NSMCE2: variants seen among roughly 807,000 people sequenced by gnomAD.
The protein encoded by NSMCE2 is E3 SUMO-protein ligase NSE2.
NSMCE2 carries 24 observed loss-of-function variants against 23.8 expected under a neutral mutation model. The ratio of observed to expected loss-of-function variants is 1.01; its 90% CI spans 0.73 to 1.42. The LOEUF (loss-of-function observed/expected upper bound fraction) is 1.42. NSMCE2 is among the 40% of genes most tolerant of loss of function. The probability of loss-of-function intolerance (pLI) is 0.00; values close to 1 mark genes in which losing one functional copy is unlikely to be tolerated. For synonymous variants in NSMCE2, 92 were observed against 94.1 expected (o/e 0.98, Z 0.13); for missense variants, 284 against 296.5 (o/e 0.96, Z 0.31).
chr8:125,190,871 T>TA (rs1449098607), intron 5 of NSMCE2, among the ~76,000 whole-genome samples: 1 of 152,138 alleles, frequency 6.6e-6, no homozygotes, highest in Non-Finnish European at 1.5e-5. Context: ...TTATGTACAT[T>TA]ATTATGATTA....
chr8:125,157,250 A>G (rs1821371861), intron 4 of NSMCE2, among the ~76,000 whole-genome samples: 1 of 152,234 alleles, frequency 6.6e-6, no homozygotes, highest in South Asian at 2.1e-4. Flanking sequence ...GAGTGAAATT[A>G]GTGAAAAGCT....
At chr8:125,239,763 T>C (rs1825696831) in intron 5 of NSMCE2, among the ~76,000 whole-genome samples, 1 of 152,132 alleles carries the variant, frequency 6.6e-6, no homozygotes, top group Non-Finnish European at 1.5e-5. Context: ...ATACCCAGAA[T>C]TTGCAAAACT....
chr8:125,348,334 T>G lies in NSMCE2; in HGVS notation c.419-8885T>G, dbSNP rs539726109. 3.9e-5 allele frequency: 6 copies of G among 152,336 alleles called. No individual in the cohort carries two copies. The East Asian group carries it at 7.7e-4, about 20-fold the overall frequency. The allele number at this position is 152,336 out of a possible 1,614,324, so 9.4% of individuals were successfully genotyped here. A position where few individuals can be genotyped will look rare whatever the true frequency, so the allele number is the denominator to read the frequency against. On this transcript the variant is annotated intron_variant, in intron 5 of 7. Transcript: ENST00000287437. ...TCAACCTGTGTTCTAGTATTTTTGT[T>G]GAAATTTATGTTTGTTGAACTTTGC...
At chr8:125,308,022 T>C (rs1056770947) in intron 5 of NSMCE2, among the ~76,000 whole-genome samples, 1 of 152,174 alleles carries the variant, frequency 6.6e-6, no homozygotes, top group Admixed American at 6.5e-5. Flanking sequence ...GCTTCCCCTG[T>C]GGAAACAGTC....
chr8:125,172,020 A>G (rs1035751036), intron 4 of NSMCE2, among the ~76,000 whole-genome samples: 8 of 152,196 alleles, frequency 5.3e-5, no homozygotes, highest in Admixed American at 2.0e-4. Context: ...AAAACTCTAA[A>G]TTCTTTACCT....
At chr8:125,212,766 G>A (rs751380031) in intron 5 of NSMCE2, among the ~76,000 whole-genome samples, 3 of 152,128 alleles carry the variant, frequency 2.0e-5, no homozygotes, top group Non-Finnish European at 4.4e-5. Flanking sequence ...TGCACAGTTT[G>A]TTATGTACTA....
At chr8:125,173,079 A>G (rs1241497691) in intron 4 of NSMCE2, among the ~76,000 whole-genome samples, 7 of 152,188 alleles carry the variant, frequency 4.6e-5, no homozygotes, top group Non-Finnish European at 8.8e-5. Context: ...CTGTTGCAAC[A>G]ATCTTCTTTA....
At chr8:125,096,743 T>G (rs1817956623) in intron 1 of NSMCE2, among the ~76,000 whole-genome samples, 1 of 149,162 alleles carries the variant, frequency 6.7e-6, no homozygotes, top group African/African-American at 2.5e-5. Flanking sequence ...CCCGAGTAGC[T>G]GGGACTGCAG....
At chr8:125,296,215 A>G (rs1828319082) in intron 5 of NSMCE2, among the ~76,000 whole-genome samples, 1 of 152,108 alleles carries the variant, frequency 6.6e-6, no homozygotes. Flanking sequence ...TAGTGTTGTC[A>G]TGTGCAGTTT....
chr8:125,200,275 T>C (rs1303026945), intron 5 of NSMCE2, among the ~76,000 whole-genome samples: 2 of 152,248 alleles, frequency 1.3e-5, no homozygotes, highest in Admixed American at 6.5e-5. Context: ...GCCTCGATGG[T>C]CTTTACAGTT....
intron 5 of NSMCE2, among the ~76,000 whole-genome samples, chr8:125,210,646 C>A (rs1364847061): frequency 6.6e-6 from 1 of 152,068 alleles, no homozygotes; most frequent in Non-Finnish European, 1.5e-5. Context: ...TTTTTTTTCT[C>A]ACCGATCTGG....
At position 125,135,249 on chromosome 8, in the gene NSMCE2, C is replaced by G. The variant is rs1414354948; in HGVS notation, c.158-15922C>G. 3.3e-5 allele frequency among the ~76,000 whole-genome samples: 5 copies of G among 152,236 alleles called. No individual in the cohort carries two copies. The East Asian group carries it at 9.7e-4, about 29-fold the overall frequency. ...AGATTTTTTGGGGGACAAGCTCTCT[C>G]TATATTGCCCAGGTTGGTCTCAAAT... On this transcript the variant is annotated intron_variant, in intron 3 of 7. Coordinates refer to ENST00000287437, the MANE Select transcript of NSMCE2 (RefSeq NM_173685.4).
chr8:125,160,433 G>A (rs1274451768), intron 4 of NSMCE2, among the ~76,000 whole-genome samples: 1 of 152,200 alleles, frequency 6.6e-6, no homozygotes, highest in African/African-American at 2.4e-5. Context: ...TAGGCTGAAG[G>A]AAGGGCCTCT....
Position 125,286,638 on chromosome 8 carries a change from A to G in NSMCE2, c.419-70581A>G, listed in dbSNP as rs534204565. On this transcript the variant is annotated intron_variant, in intron 5 of 7. Transcript: ENST00000287437. ...CAAATAACATCTTTTATGTGCCATC[A>G]TACACATACATATATTTAAATTAAG... Among the ~76,000 whole-genome samples, 7 of 152,250 alleles carry G rather than the reference A, an allele frequency of 4.6e-5. No individual in the cohort carries two copies. In the South Asian group the frequency reaches 1.2e-3, roughly 27 times the overall value.
chr8:125,245,884 G>A (rs1029700900), intron 5 of NSMCE2, among the ~76,000 whole-genome samples: 8 of 151,928 alleles, frequency 5.3e-5, no homozygotes, highest in African/African-American at 1.9e-4. Context: ...CAACTAACTA[G>A]GTGTGGTGAG....
chr8:125,257,762 C>T (rs1475530532), intron 5 of NSMCE2, among the ~76,000 whole-genome samples: 1 of 152,078 alleles, frequency 6.6e-6, no homozygotes, highest in East Asian at 1.9e-4. Context: ...TCTCGATCTC[C>T]TGACTTCATT....
chr8:125,320,251 G>GGGAGGGAAGTAA (rs1829384986), intron 5 of NSMCE2, among the ~76,000 whole-genome samples: 1 of 58,298 alleles, frequency 1.7e-5, no homozygotes, highest in South Asian at 8.3e-4. Flanking sequence ...GAGGGAGGGA[G>GGGAGGGAAGTAA]GGAAGGAAGG....
intron 5 of NSMCE2, among the ~76,000 whole-genome samples, chr8:125,333,664 G>A (rs544827836): frequency 3.1e-4 from 47 of 151,240 alleles, no homozygotes; most frequent in East Asian, 3.9e-4. Context: ...ACAGGCGCCC[G>A]CCACTACGCC....
intron 7 of NSMCE2, 27 bp from the exon 8 acceptor site, chr8:125,366,741 T>C: frequency 7.5e-7 from 1 of 1,330,440 alleles, no homozygotes; most frequent in Non-Finnish European, 1.1e-6. Flanking sequence ...TAAAGGGGAC[T>C]GACTTGATGT....
Sources: allele counts gnomAD v4.1 joint callset (sites outside exome capture counted in the v4.1 genomes callset), GRCh38; gene constraint gnomAD v4.1.1; transcripts MANE v1.5; gene names NCBI Gene and HGNC (gene_info 2026-07-23, HGNC 2026-07-21).